CNOT1: variants seen among roughly 807,000 people sequenced by gnomAD.
CNOT1 encodes CCR4-associated factor 1.
In CNOT1, 15 loss-of-function variants were observed where a neutral mutation model predicts 273.8. The observed-to-expected ratio is 0.05, with a 90% CI of 0.04 to 0.08. CNOT1 has a LOEUF of 0.08. Among genes scored for constraint, CNOT1 ranks in the 10% least tolerant of loss-of-function variants. The probability of loss-of-function intolerance (pLI) is 1.00; values close to 1 mark genes in which losing one functional copy is unlikely to be tolerated. For missense variants in CNOT1, 1,644 were observed against 2,912.2 expected (o/e 0.56, Z 10.02); for synonymous variants, 1,022 against 1,005.5 (o/e 1.02, Z -0.31).
intron 14 of CNOT1, among the ~76,000 whole-genome samples, chr16:58,576,104 T>G (rs1035414961): frequency 3.9e-5 from 6 of 151,926 alleles, no homozygotes; most frequent in African/African-American, 1.5e-4. Flanking sequence ...AGCATTTACT[T>G]TTTTTCCTTT....
intron 1 of CNOT1, among the ~76,000 whole-genome samples, chr16:58,607,721 CAA>C (rs71385179): frequency 1.2e-4 from 8 of 67,158 alleles, no homozygotes; most frequent in East Asian, 3.8e-4. Flanking sequence ...CAGCAAAACT[CAA>C]AAAAAAAAAA....
At chr16:58,590,164 G>A (rs1198524805) in intron 2 of CNOT1, among the ~76,000 whole-genome samples, 1 of 152,158 alleles carries the variant, frequency 6.6e-6, no homozygotes, top group Non-Finnish European at 1.5e-5. Flanking sequence ...GCTACATATT[G>A]CACTGAGCTT....
intron 13 of CNOT1, among the ~76,000 whole-genome samples, chr16:58,576,929 A>C (rs1224702494): frequency 6.6e-6 from 1 of 152,234 alleles, no homozygotes; most frequent in African/African-American, 2.4e-5. Context: ...TTTAAATGCA[A>C]ATTACTGGTA....
At position 58,613,344 on chromosome 16, in the gene CNOT1, C is replaced by A. The variant is rs577081616; in HGVS notation, c.-174-13833G>T. 2.7e-4 allele frequency among the ~76,000 whole-genome samples: 19 copies of A among 69,974 alleles called. 4 individuals are homozygous for A. Among genetic ancestry groups the A allele is most frequent in the African/African-American group, 7.3e-4 (18 of 24,610 alleles). The allele number at this position is 69,974 out of a possible 152,430, so 45.9% of individuals were successfully genotyped here. A position where few individuals can be genotyped will look rare whatever the true frequency, so the allele number is the denominator to read the frequency against. Reference sequence around the variant, plus strand: ...ACCACGCCTGGCTTAGAGGTTAAGTCTAAAACAAGCAAAAATCCTTTCAAA... The same window carrying A: ...ACCACGCCTGGCTTAGAGGTTAAGTATAAAACAAGCAAAAATCCTTTCAAA... On this transcript the variant is annotated intron_variant, in intron 1 of 48. Coordinates refer to ENST00000317147, the MANE Select transcript of CNOT1 (RefSeq NM_016284.5).
intron 47 of CNOT1, 109 bp from the exon 48 acceptor site, chr16:58,521,426 A>G: frequency 8.9e-7 from 1 of 1,124,412 alleles, no homozygotes; most frequent in Non-Finnish European, 1.3e-6. Flanking sequence ...CCACATGCAA[A>G]AGTTTTCACC....
chr16:58,617,320 C>CA (rs2043126605), intron 1 of CNOT1, among the ~76,000 whole-genome samples: 1 of 151,924 alleles, frequency 6.6e-6, no homozygotes. Context: ...ATGATTGCAC[C>CA]ACTGCACTCC....
chr16:58,619,571 G>T (rs940765278), intron 1 of CNOT1, among the ~76,000 whole-genome samples: 1 of 151,922 alleles, frequency 6.6e-6, no homozygotes, highest in Admixed American at 6.6e-5. Flanking sequence ...GGGACTAGCC[G>T]CCCGCCACCA....
chr16:58,619,923 T>C (rs2043247312), intron 1 of CNOT1, among the ~76,000 whole-genome samples: 1 of 150,778 alleles, frequency 6.6e-6, no homozygotes, highest in African/African-American at 2.5e-5. Context: ...CTCTGTAGAT[T>C]ACTAGAGATA....
At chr16:58,584,766 CAT>C (rs1419967154) in intron 8 of CNOT1, among the ~76,000 whole-genome samples, 1 of 152,176 alleles carries the variant, frequency 6.6e-6, no homozygotes, top group Non-Finnish European at 1.5e-5. Flanking sequence ...GTTTTTAAAA[CAT>C]AAGGATTTTT....
chr16:58,605,818 G>A (rs1458015684), intron 1 of CNOT1, among the ~76,000 whole-genome samples: 2 of 151,988 alleles, frequency 1.3e-5, no homozygotes, highest in Non-Finnish European at 2.9e-5. Context: ...GCTGCCACAC[G>A]GCTAATTTTT....
At chr16:58,589,050 T>TAG in intron 2 of CNOT1, 144 bp from the exon 3 acceptor site, 1 of 1,135,452 alleles carries the variant, frequency 8.8e-7, no homozygotes, top group African/African-American at 1.6e-5. Flanking sequence ...AAAGGAATTA[T>TAG]TGATGGAAGT....
chr16:58,551,906 T>C (rs564990683), intron 22 of CNOT1, 87 bp from the exon 23 acceptor site: 1 of 1,534,622 alleles, frequency 6.5e-7, no homozygotes, highest in Non-Finnish European at 8.8e-7. Context: ...GTAAAAAACA[T>C]GTCTGAGTGC....
At chr16:58,550,036 A>G in intron 24 of CNOT1, 138 bp from the exon 25 acceptor site, 1 of 1,321,418 alleles carries the variant, frequency 7.6e-7, no homozygotes, top group South Asian at 1.4e-5. Context: ...CCTTCACACC[A>G]GATAGATGCT....
At chr16:58,593,785 T>C (rs1471677779) in intron 2 of CNOT1, among the ~76,000 whole-genome samples, 1 of 152,066 alleles carries the variant, frequency 6.6e-6, no homozygotes, top group East Asian at 1.9e-4. Context: ...ATATTCACAG[T>C]AGCCAAAGAA....
intron 1 of CNOT1, among the ~76,000 whole-genome samples, chr16:58,615,712 T>C (rs985676267): frequency 3.2e-5 from 4 of 125,260 alleles, no homozygotes; most frequent in African/African-American, 1.1e-4. Flanking sequence ...CTCTTGATGA[T>C]GGGAAATACC....
At chr16:58,574,120 A>AATTTAACCAGCTGAGAGT (rs1283853631) in intron 16 of CNOT1, among the ~76,000 whole-genome samples, 1 of 151,686 alleles carries the variant, frequency 6.6e-6, no homozygotes, top group Non-Finnish European at 1.5e-5. Flanking sequence ...AGAAGAAGAA[A>AATTTAACCAGCTGAGAGT]ATTTAACCAG....
intron 1 of CNOT1, among the ~76,000 whole-genome samples, chr16:58,600,241 G>A (rs894236726): frequency 2.6e-5 from 4 of 152,060 alleles, no homozygotes; most frequent in African/African-American, 7.2e-5. Flanking sequence ...CTAACTACTC[G>A]GGAGGCTGAG....
At chr16:58,526,511 TA>T (rs57367601) in intron 44 of CNOT1, among the ~76,000 whole-genome samples, 73 of 80,812 alleles carry the variant, frequency 9.0e-4, no homozygotes, top group Admixed American at 2.3e-3. Context: ...ACTTACTCCT[TA>T]AAAAAAAAAA....
chr16:58,539,985 C>T (rs528810639), intron 34 of CNOT1, 26 bp from the exon 35 acceptor site: 1 of 1,582,870 alleles, frequency 6.3e-7, no homozygotes, highest in South Asian at 1.1e-5. Flanking sequence ...AAACAACCAA[C>T]AAGAGACAAA....
Sources: gnomAD v4.1 joint callset for allele counts (sites outside exome capture counted in the v4.1 genomes callset) on GRCh38, gnomAD v4.1.1 for gene constraint, MANE v1.5 for transcripts, NCBI Gene and HGNC (gene_info 2026-07-23, HGNC 2026-07-21) for gene names.